Variants in TAMM41 observed in about 807,000 individuals in gnomAD.
The protein encoded by TAMM41 is phosphatidate cytidylyltransferase, mitochondrial.
Under a neutral mutation model 44.1 loss-of-function variants are expected in TAMM41, and 36 were observed. The ratio of observed to expected loss-of-function variants is 0.82; its 90% CI spans 0.63 to 1.08. The LOEUF (loss-of-function observed/expected upper bound fraction) is 1.08, where lower values mean the gene tolerates loss of function less well. TAMM41 is among the 50% of genes least tolerant of loss of function. TAMM41 has a pLI of 0.00. For missense variants in TAMM41, 417 were observed against 404.3 expected, an observed-to-expected ratio of 1.03 and a Z score of -0.27; for synonymous variants, 164 against 153.1, an observed-to-expected ratio of 1.07 and a Z score of -0.53.
At chr3:11,839,156 G>A (rs2079317919) in intron 3 of TAMM41, 66 bp downstream of exon 3, 2 of 991,602 alleles carry the variant, frequency 2.0e-6, no homozygotes, top group South Asian at 3.2e-5. Context: ...CAATCACAAT[G>A]ATCAAAGTAA....
chr3:11,779,297 T>C, the TAMM41 span, among the ~76,000 whole-genome samples: 5 of 152,250 alleles, frequency 3.3e-5, no homozygotes, highest in Non-Finnish European at 7.4e-5. Flanking sequence ...AAACCTTTAC[T>C]CTTTACAAAT....
At chr3:11,760,259 C>A in the TAMM41 span, among the ~76,000 whole-genome samples, 4 of 152,186 alleles carry the variant, frequency 2.6e-5, no homozygotes, top group African/African-American at 9.6e-5. Flanking sequence ...GCCAGTTAGA[C>A]TAATATTCAG....
At chr3:11,822,960 T>C (rs1051765396) in intron 4 of TAMM41, among the ~76,000 whole-genome samples, 2 of 152,338 alleles carry the variant, frequency 1.3e-5, no homozygotes, top group Middle Eastern at 3.4e-3. Flanking sequence ...CCAGGCTTTT[T>C]TCCAAAGCAG....
intron 3 of TAMM41, chr3:11,833,119 G>C (rs1407524134): frequency 7.0e-6 from 9 of 1,284,472 alleles, no homozygotes; most frequent in Non-Finnish European, 9.1e-6. Flanking sequence ...AGAGTGAAAA[G>C]CCAGTGAACT....
chr3:11,811,266 AGCTT>A (rs894794061), intron 5 of TAMM41: 6 of 152,324 alleles, frequency 3.9e-5, no homozygotes, highest in Non-Finnish European at 8.8e-5. Flanking sequence ...TCCTCTACTT[AGCTT>A]TGGCTACAAA....
intron 5 of TAMM41, among the ~76,000 whole-genome samples, chr3:11,810,305 T>C (rs2078047835): frequency 1.3e-5 from 2 of 152,236 alleles, no homozygotes; most frequent in South Asian, 4.1e-4. Context: ...CTAAAGCTAC[T>C]ATGCCAGCGG....
the TAMM41 span, among the ~76,000 whole-genome samples, chr3:11,739,888 CTG>C: frequency 6.6e-6 from 1 of 152,096 alleles, no homozygotes; most frequent in African/African-American, 2.4e-5. Context: ...AGGGGCAAGA[CTG>C]TGTTTTATTC....
chr3:11,722,176 A>G, the TAMM41 span, among the ~76,000 whole-genome samples: 1 of 152,060 alleles, frequency 6.6e-6, no homozygotes, highest in Admixed American at 6.6e-5. Context: ...AGCGAACCTT[A>G]CTCTGCAAAT....
chr3:11,741,216 C>CAAAAAAAAA, the TAMM41 span, among the ~76,000 whole-genome samples: 11 of 61,816 alleles, frequency 1.8e-4, 1 homozygote, highest in Non-Finnish European at 2.2e-4. Flanking sequence ...GACACCGTCT[C>CAAAAAAAAA]AAAAAAAAAA....
chr3:11,766,275 C>T, the TAMM41 span, among the ~76,000 whole-genome samples: 36 of 152,070 alleles, frequency 2.4e-4, no homozygotes, highest in East Asian at 5.7e-3. Context: ...GGTGATCCTC[C>T]CACCTCAGAC....
chr3:11,840,236 A>T (rs1217405438), intron 2 of TAMM41, among the ~76,000 whole-genome samples: 6 of 145,316 alleles, frequency 4.1e-5, no homozygotes, highest in African/African-American at 7.7e-5. Flanking sequence ...AATTAAACTC[A>T]TTTTTTTTTT....
At chr3:11,730,797 G>A in the TAMM41 span, among the ~76,000 whole-genome samples, 5 of 152,062 alleles carry the variant, frequency 3.3e-5, no homozygotes, top group Admixed American at 1.3e-4. Context: ...TTACAAAACC[G>A]CTTCCATTCT....
the TAMM41 span, among the ~76,000 whole-genome samples, chr3:11,767,015 A>C: frequency 1.3e-5 from 2 of 152,140 alleles, no homozygotes; most frequent in Non-Finnish European, 2.9e-5. Context: ...TATTAATACA[A>C]TTTCCCAACC....
the TAMM41 span, among the ~76,000 whole-genome samples, chr3:11,783,732 TAGAG>T: frequency 1.5e-4 from 23 of 152,204 alleles, no homozygotes; most frequent in African/African-American, 5.1e-4. Context: ...TGGTATGGTA[TAGAG>T]AAACACCTGC....
chr3:11,818,827 G>A (rs1575659578), intron 4 of TAMM41, among the ~76,000 whole-genome samples: 1 of 151,124 alleles, frequency 6.6e-6, no homozygotes, highest in East Asian at 2.0e-4. Flanking sequence ...GAACCCAGGA[G>A]GCAGAGCTTG....
the TAMM41 span, among the ~76,000 whole-genome samples, chr3:11,783,588 C>T: frequency 5.9e-5 from 9 of 152,296 alleles, no homozygotes; most frequent in Admixed American, 5.9e-4. Flanking sequence ...TGTCATTTGC[C>T]AGGCATTGTT....
the TAMM41 span, among the ~76,000 whole-genome samples, chr3:11,777,899 C>G: frequency 6.6e-5 from 10 of 152,118 alleles, no homozygotes; most frequent in Non-Finnish European, 1.5e-4. Flanking sequence ...CTTCCCAATT[C>G]TTAGCTTCAC....
At chr3:11,837,899 T>C (rs781750376) in intron 3 of TAMM41, among the ~76,000 whole-genome samples, 1 of 151,244 alleles carries the variant, frequency 6.6e-6, no homozygotes, top group Non-Finnish European at 1.5e-5. Context: ...GGAGGGAGAG[T>C]GGACTGTGAC....
intron 3 of TAMM41, among the ~76,000 whole-genome samples, chr3:11,838,942 T>C (rs539524603): frequency 3.3e-5 from 5 of 152,248 alleles, no homozygotes; most frequent in East Asian, 3.9e-4. Flanking sequence ...GAACTTGTTA[T>C]GAATAATAAA....
Sources: allele counts gnomAD v4.1 joint callset (sites outside exome capture counted in the v4.1 genomes callset), GRCh38; gene constraint gnomAD v4.1.1; transcripts MANE v1.5; gene names NCBI Gene and HGNC (gene_info 2026-07-23, HGNC 2026-07-21).